Variants in NOL10 observed in about 807,000 individuals in gnomAD.
NOL10 encodes the protein H_NH0074G24.1.
In NOL10, 58 loss-of-function variants were observed where a neutral mutation model predicts 103.5. That is an observed-to-expected ratio of 0.56 (90% CI 0.45 to 0.70). The LOEUF (loss-of-function observed/expected upper bound fraction) is 0.70. NOL10 is among the 30% of genes least tolerant of loss of function. NOL10 has a pLI of 0.00. For synonymous variants in NOL10, 287 were observed against 282.5 expected, an observed-to-expected ratio of 1.02 and a Z score of -0.16; for missense variants, 763 against 807.3, an observed-to-expected ratio of 0.95 and a Z score of 0.67.
chr2:10,664,117 TA>T (rs1233675337), intron 8 of NOL10, among the ~76,000 whole-genome samples: 1,857 of 129,424 alleles, frequency 0.014, 24 homozygotes, highest in African/African-American at 0.043. Context: ...AGACTCCGTC[TA>T]AAAAAAAAAA....
chr2:10,618,582 T>A (rs1676964106), intron 13 of NOL10, among the ~76,000 whole-genome samples: 1 of 152,220 alleles, frequency 6.6e-6, no homozygotes, highest in Admixed American at 6.5e-5. Context: ...TTCCTATTTT[T>A]GTATTTTTAT....
chr2:10,650,208 G>A (rs1197891076), intron 12 of NOL10, among the ~76,000 whole-genome samples: 1 of 152,102 alleles, frequency 6.6e-6, no homozygotes, highest in South Asian at 2.1e-4. Flanking sequence ...CCAGGCAAGA[G>A]TACAGTTAGT....
intron 17 of NOL10, among the ~76,000 whole-genome samples, chr2:10,595,343 G>T (rs1487832375): frequency 6.7e-6 from 1 of 148,338 alleles, no homozygotes; most frequent in East Asian, 2.0e-4. Flanking sequence ...TTTTGACAGA[G>T]TCTCACTCTG....
Position 10,657,853 on chromosome 2 carries a change from T to A in NOL10, c.795A>T (p.Leu265=), listed in dbSNP as rs1236971864. 6 of 1,549,484 alleles carry A rather than the reference T, an allele frequency of 3.9e-6. No homozygotes were observed. Among genetic ancestry groups the A allele is most frequent in the Non-Finnish European group, 5.2e-6 (6 of 1,145,944 alleles). ...GCAGCCCATACTGGTGATCTTTAAC[T>A]AGCAATGGCTTATCAGATCGAAGGT... ...LYDLRSDKPL[L]VKDHQYGLPI... Residue 265 remains leucine, a synonymous_variant, in exon 11 of 21, where the codon CTA becomes CTT. Coordinates refer to ENST00000381685, the MANE Select transcript of NOL10 (RefSeq NM_024894.4).
chr2:10,602,941 C>T, intron 15 of NOL10, 67 bp from the exon 16 acceptor site: 1 of 1,286,780 alleles, frequency 7.8e-7, no homozygotes, highest in Non-Finnish European at 1.1e-6. Flanking sequence ...TTCATATACA[C>T]CACGACAGTT....
At chr2:10,650,816 A>G (rs1375259950) in intron 12 of NOL10, among the ~76,000 whole-genome samples, 1 of 152,192 alleles carries the variant, frequency 6.6e-6, no homozygotes, top group Non-Finnish European at 1.5e-5. Context: ...AGAGATGCGT[A>G]GTTGAATTAT....
At chr2:10,651,186 G>C (rs565982294) in intron 12 of NOL10, among the ~76,000 whole-genome samples, 78 of 152,154 alleles carry the variant, frequency 5.1e-4, no homozygotes, top group Non-Finnish European at 1.1e-3. Flanking sequence ...CAACAGATTG[G>C]CACTCATTTC....
chr2:10,637,353 C>A (rs1162282252), intron 13 of NOL10, among the ~76,000 whole-genome samples: 1 of 152,070 alleles, frequency 6.6e-6, no homozygotes, highest in Non-Finnish European at 1.5e-5. Flanking sequence ...GAAAAATGTC[C>A]ATGCCATTTC....
intron 13 of NOL10, among the ~76,000 whole-genome samples, chr2:10,642,734 T>C (rs1678788767): frequency 6.6e-6 from 1 of 152,104 alleles, no homozygotes; most frequent in Non-Finnish European, 1.5e-5. Flanking sequence ...CTTCACCCAG[T>C]CGACGCAGCT....
In NOL10 at chr2:10,681,952, T is replaced by C; in HGVS notation, c.211+19A>G. 8.3e-7 allele frequency: 1 copy of C among 1,200,612 alleles called. No individual in the cohort carries two copies. Among genetic ancestry groups the C allele is most frequent in the Non-Finnish European group, 1.1e-6 (1 of 888,510 alleles). The allele number at this position is 1,200,612 out of a possible 1,614,324, so 74.4% of individuals were successfully genotyped here. A position where few individuals can be genotyped will look rare whatever the true frequency, so the allele number is the denominator to read the frequency against. On this transcript the variant is annotated intron_variant, in intron 3 of 20. Transcript: ENST00000381685. The stretch of plus-strand genomic sequence containing the variant: ...CCTGGTACAAAATGCATGAAAATCA[T>C]AACCAAAAAGATGCTTACCAGTTGC...
chr2:10,685,394 G>C (rs908612372), intron 1 of NOL10, among the ~76,000 whole-genome samples: 1 of 151,006 alleles, frequency 6.6e-6, no homozygotes, highest in Non-Finnish European at 1.5e-5. Context: ...TCGGGAGGCT[G>C]AGGAAGGGGA....
At chr2:10,642,676 A>AG (rs1412718758) in intron 13 of NOL10, among the ~76,000 whole-genome samples, 2 of 152,024 alleles carry the variant, frequency 1.3e-5, no homozygotes, top group African/African-American at 4.8e-5. Flanking sequence ...TCGACTGAAA[A>AG]GGAAAAAAAA....
In NOL10 at chr2:10,577,745, GA is replaced by G; in HGVS notation, c.1845-8del. ...ACGATCTTCAAGGGTTTTGCTATGG[GA>G]AATTCAAAAGAATGCCACATTAATC... On this transcript the variant is annotated splice_polypyrimidine_tract_variant and splice_region_variant and intron_variant, in intron 19 of 20. Transcript: ENST00000381685. 1 of 1,577,942 alleles carries G rather than the reference GA, an allele frequency of 6.3e-7. No homozygotes were observed. Among genetic ancestry groups the G allele is most frequent in the Non-Finnish European group, 8.7e-7 (1 of 1,154,480 alleles).
intron 3 of NOL10, 109 bp downstream of exon 3, chr2:10,681,862 T>G (rs1261972131): frequency 9.2e-6 from 4 of 436,962 alleles, no homozygotes; most frequent in Non-Finnish European, 1.6e-5. Context: ...TTTCTGTGTG[T>G]TTGAAATTTT....
rs1173321914 is a variant in NOL10, at chr2:10,571,297, A to G, written c.*774T>C. 1 of 152,622 alleles carries G rather than the reference A, an allele frequency of 6.6e-6. No individual in the cohort carries two copies. The highest frequency in any genetic ancestry group is 1.9e-4 in the East Asian group (1 of 5,202). The allele number at this position is 152,622 out of a possible 1,614,324, so 9.5% of individuals were successfully genotyped here. On this transcript the variant is annotated 3_prime_UTR_variant, in exon 21 of 21. Coordinates refer to ENST00000381685, the MANE Select transcript of NOL10 (RefSeq NM_024894.4). ...TCCTCTGGCTCTAGCCACGCAGGAC[A>G]TACCTGCTTCCGCTTCACCTTCTGC...
chr2:10,660,634 G>T (rs1433596013), intron 9 of NOL10, among the ~76,000 whole-genome samples: 1 of 151,944 alleles, frequency 6.6e-6, no homozygotes, highest in Non-Finnish European at 1.5e-5. Flanking sequence ...TGTTCTTATC[G>T]AGTTTTACAA....
intron 19 of NOL10, among the ~76,000 whole-genome samples, chr2:10,583,915 C>T (rs754707137): frequency 2.0e-5 from 3 of 151,610 alleles, no homozygotes; most frequent in Non-Finnish European, 2.9e-5. Flanking sequence ...ACATGCACTG[C>T]TTTTATTACA....
chr2:10,622,275 A>AT, intron 13 of NOL10: 1 of 429,046 alleles, frequency 2.3e-6, no homozygotes, highest in South Asian at 1.7e-5. Context: ...GACCAAAATG[A>AT]TATTGTGATC....
At chr2:10,684,140 G>A (rs188245387) in intron 2 of NOL10, among the ~76,000 whole-genome samples, 1 of 152,102 alleles carries the variant, frequency 6.6e-6, no homozygotes, top group Admixed American at 6.5e-5. Flanking sequence ...AAATTAGCCG[G>A]GCGTGGTGGC....
Sources: allele counts gnomAD v4.1 joint callset (sites outside exome capture counted in the v4.1 genomes callset), GRCh38; gene constraint gnomAD v4.1.1; transcripts MANE v1.5; gene names NCBI Gene and HGNC (gene_info 2026-07-23, HGNC 2026-07-21).